PTPRT: variants seen among roughly 807,000 people sequenced by gnomAD.
The protein encoded by PTPRT is protein tyrosine phosphatase receptor type T, also known as receptor-type tyrosine-protein phosphatase T.
PTPRT carries 56 observed loss-of-function variants against 176.8 expected under a neutral mutation model. The observed-to-expected ratio is 0.32, with a 90% CI of 0.26 to 0.40. The LOEUF is 0.40. PTPRT is among the 10% of genes least tolerant of loss of function. The pLI is 1.00. For synonymous variants in PTPRT, 783 were observed against 739.0 expected (o/e 1.06, Z -0.96); for missense variants, 1,540 against 1,908.2 (o/e 0.81, Z 3.60).
intron 2 of PTPRT, among the ~76,000 whole-genome samples, chr20:42,818,193 C>A (rs2145644259): frequency 6.6e-6 from 1 of 152,256 alleles, no homozygotes; most frequent in African/African-American, 2.4e-5. Context: ...GCTCCCCAGC[C>A]TCCTTGAGTG....
chr20:42,233,908 A>G (rs2056186298), intron 15 of PTPRT, among the ~76,000 whole-genome samples: 1 of 152,170 alleles, frequency 6.6e-6, no homozygotes, highest in South Asian at 2.1e-4. Flanking sequence ...TGCACCTTCA[A>G]CTGCAAGTAT....
At chr20:42,264,379 G>C (rs558112607) in intron 13 of PTPRT, among the ~76,000 whole-genome samples, 46 of 152,308 alleles carry the variant, frequency 3.0e-4, no homozygotes, top group Admixed American at 7.8e-4. Context: ...CAAGCTTTGA[G>C]CATCTGTTCT....
intron 4 of PTPRT, among the ~76,000 whole-genome samples, chr20:42,773,846 CTGTG>C (rs1294137687): frequency 6.6e-6 from 1 of 152,166 alleles, no homozygotes; most frequent in Non-Finnish European, 1.5e-5. Context: ...CTGGGAAACT[CTGTG>C]TTTAGTTTTA....
chr20:42,817,389 G>T (rs1174799895), intron 2 of PTPRT, among the ~76,000 whole-genome samples: 9 of 141,576 alleles, frequency 6.4e-5, no homozygotes, highest in Non-Finnish European at 1.2e-4. Context: ...TGGTTTAACA[G>T]ATCTTTGAAA....
chr20:42,334,167 C>G (rs2058007690), intron 11 of PTPRT, among the ~76,000 whole-genome samples: 2 of 152,128 alleles, frequency 1.3e-5, no homozygotes, highest in Admixed American at 1.3e-4. Context: ...TTCAGAGTTT[C>G]TCAATCTTGG....
intron 17 of PTPRT, among the ~76,000 whole-genome samples, chr20:42,143,112 A>C (rs940969129): frequency 1.3e-5 from 2 of 152,168 alleles, no homozygotes; most frequent in Non-Finnish European, 2.9e-5. Context: ...TGGTTAATGA[A>C]CTGGGCATTA....
chr20:42,210,832 C>T (rs948979467), intron 15 of PTPRT, among the ~76,000 whole-genome samples: 11 of 152,164 alleles, frequency 7.2e-5, no homozygotes, highest in Admixed American at 3.9e-4. Context: ...GAGCCCACAT[C>T]GCCAAGTCAA....
chr20:42,572,886 G>T (rs1375964065), intron 7 of PTPRT, among the ~76,000 whole-genome samples: 1 of 146,890 alleles, frequency 6.8e-6, no homozygotes, highest in Non-Finnish European at 1.5e-5. Context: ...CTAAGGCAAT[G>T]CCTACCTTGA....
chr20:42,492,120 G>A (rs1601122727), intron 7 of PTPRT, among the ~76,000 whole-genome samples: 1 of 152,252 alleles, frequency 6.6e-6, no homozygotes, highest in Middle Eastern at 3.4e-3. Context: ...TCCAGTTTGG[G>A]GTGATTGTGA....
intron 1 of PTPRT, among the ~76,000 whole-genome samples, chr20:43,169,633 A>G (rs1034176697): frequency 6.6e-6 from 1 of 152,132 alleles, no homozygotes; most frequent in African/African-American, 2.4e-5. Flanking sequence ...CTGTATTATC[A>G]TAAGCTTTCA....
At position 42,297,612 on chromosome 20, in the gene PTPRT, G is replaced by A. The variant is rs73120070; in HGVS notation, c.2140-15087C>T. ...AAATCTCGATGGGGAACTTTCCCTC[G>A]CAGACATTAAAGTTTAGATCCCATA... On this transcript the variant is annotated intron_variant, in intron 12 of 30. Coordinates refer to ENST00000373187, the MANE Select transcript of PTPRT (RefSeq NM_007050.6). Among the ~76,000 whole-genome samples, 1,268 of 152,226 alleles carry A rather than the reference G, an allele frequency of 8.3e-3. 24 individuals are homozygous for A. The highest frequency in any genetic ancestry group is 0.029 in the African/African-American group (1,192 of 41,540).
chr20:43,119,309 G>A (rs1420573035), intron 1 of PTPRT, among the ~76,000 whole-genome samples: 2 of 151,960 alleles, frequency 1.3e-5, no homozygotes, highest in African/African-American at 4.8e-5. Context: ...TTGAACTCTT[G>A]GTTTTGCCAA....
intron 7 of PTPRT, among the ~76,000 whole-genome samples, chr20:42,638,482 A>T (rs1267097608): frequency 6.6e-6 from 1 of 152,116 alleles, no homozygotes; most frequent in African/African-American, 2.4e-5. Context: ...TATATGACTC[A>T]TATTATTCAA....
At chr20:42,472,859 G>A (rs907572397) in intron 7 of PTPRT, among the ~76,000 whole-genome samples, 1 of 152,160 alleles carries the variant, frequency 6.6e-6, no homozygotes. Flanking sequence ...TCTTAAGGGT[G>A]CATCAAAGTG....
chr20:43,004,185 A>C (rs1385981589), intron 1 of PTPRT, among the ~76,000 whole-genome samples: 1 of 148,244 alleles, frequency 6.7e-6, no homozygotes, highest in East Asian at 1.9e-4. Context: ...AAAAAAAAAA[A>C]AGACTACAAA....
chr20:42,402,835 T>A (rs1046467180), intron 9 of PTPRT, among the ~76,000 whole-genome samples: 1 of 152,126 alleles, frequency 6.6e-6, no homozygotes, highest in African/African-American at 2.4e-5. Context: ...CATGTGTATG[T>A]GCATGTGTGT....
chr20:42,456,884 T>A (rs2145877957), intron 8 of PTPRT, among the ~76,000 whole-genome samples: 1 of 152,294 alleles, frequency 6.6e-6, no homozygotes, highest in South Asian at 2.1e-4. Flanking sequence ...GATTACAAAC[T>A]CCTTGAGTGT....
At chr20:42,252,398 C>T (rs1387536553) in intron 13 of PTPRT, among the ~76,000 whole-genome samples, 1 of 151,936 alleles carries the variant, frequency 6.6e-6, no homozygotes, top group Non-Finnish European at 1.5e-5. Flanking sequence ...GTGAAATCAC[C>T]CTGGGAAAGA....
intron 1 of PTPRT, among the ~76,000 whole-genome samples, chr20:43,100,933 T>TA (rs1488104584): frequency 6.6e-6 from 1 of 152,126 alleles, no homozygotes; most frequent in African/African-American, 2.4e-5. Flanking sequence ...GCTAAGGTGT[T>TA]AAAAAATACA....
Sources: gnomAD v4.1 joint callset for allele counts (sites outside exome capture counted in the v4.1 genomes callset) on GRCh38, gnomAD v4.1.1 for gene constraint, MANE v1.5 for transcripts, NCBI Gene and HGNC (gene_info 2026-07-23, HGNC 2026-07-21) for gene names.